PHC3: variants seen among roughly 807,000 people sequenced by gnomAD.
PHC3 encodes the protein polyhomeotic homolog 3.
Under a neutral mutation model 107.4 loss-of-function variants are expected in PHC3, and 13 were observed. The ratio of observed to expected loss-of-function variants is 0.12; its 90% CI spans 0.08 to 0.19. The LOEUF (loss-of-function observed/expected upper bound fraction) is 0.19, where lower values mean the gene tolerates loss of function less well. Ranked by LOEUF, PHC3 falls within the 10% of genes least tolerant of loss-of-function variation. PHC3 has a pLI of 1.00. For synonymous variants in PHC3, 456 were observed against 427.4 expected (o/e 1.07, Z -0.83); for missense variants, 992 against 1,210.9 (o/e 0.82, Z 2.68).
intron 14 of PHC3, 175 bp downstream of exon 14, chr3:170,102,304 T>G (rs1161090076): frequency 1.3e-5 from 13 of 985,282 alleles, no homozygotes; most frequent in Non-Finnish European, 1.3e-5. Context: ...TACCCAGTAG[T>G]GCTGAGGGAA....
rs1389204574 is a variant in PHC3, at chr3:170,150,791, T to C, written c.415-1547A>G. On this transcript the variant is annotated intron_variant, in intron 4 of 14. Coordinates refer to ENST00000495893, the MANE Select transcript of PHC3 (RefSeq NM_024947.4). ...TCTAGAAGGATGCGTAAGAAACTGG[T>C]AACTGGTTGTATCTATAAAGAGACA... 3 of 355,352 alleles carry C rather than the reference T, an allele frequency of 8.4e-6. No individual in the cohort carries two copies. The East Asian group carries it at 3.6e-4, about 43-fold the overall frequency. The allele number at this position is 355,352 out of a possible 1,614,324, so 22.0% of individuals were successfully genotyped here.
rs141402079 is a variant in PHC3, at chr3:170,161,703, T to A, written c.414+9670A>T. On this transcript the variant is annotated intron_variant, in intron 4 of 14. Transcript: ENST00000495893. ...AACAACAGAAATTTATTTTGCACAC[T>A]TTTAGAGGCTGGGAAGTCCAAAATT... Among the ~76,000 whole-genome samples the A allele has an allele frequency of 6.8e-4, 103 of 152,326 alleles. 1 individual carries two copies. Among genetic ancestry groups the A allele is most frequent in the African/African-American group, 2.4e-3 (100 of 41,588 alleles).
At chr3:170,119,594 C>T (rs1308681779) in intron 9 of PHC3, among the ~76,000 whole-genome samples, 1 of 152,064 alleles carries the variant, frequency 6.6e-6, no homozygotes, top group African/African-American at 2.4e-5. Flanking sequence ...AATTATTACG[C>T]CCTCTAGATT....
chr3:170,163,458 A>AAG (rs1367097902), intron 4 of PHC3, among the ~76,000 whole-genome samples: 8 of 94,836 alleles, frequency 8.4e-5, no homozygotes, highest in Non-Finnish European at 1.5e-4. Flanking sequence ...ATATTTAGTA[A>AAG]AGAGTGTGTG....
At chr3:170,128,373 G>T in intron 8 of PHC3, 2 of 1,320,600 alleles carry the variant, frequency 1.5e-6, no homozygotes, top group Non-Finnish European at 2.0e-6. Context: ...GATGACACTG[G>T]TTCAAATGCA....
chr3:170,145,908 C>A (rs1420619295), intron 5 of PHC3, among the ~76,000 whole-genome samples: 1 of 152,078 alleles, frequency 6.6e-6, no homozygotes, highest in Non-Finnish European at 1.5e-5. Context: ...TATTTTGGGA[C>A]ACAAATTAAA....
In PHC3 at chr3:170,158,480, T is replaced by C. The variant is rs186800900; in HGVS notation, c.415-9236A>G. On this transcript the variant is annotated intron_variant, in intron 4 of 14. Transcript: ENST00000495893. ...AGCTGGACATAGTGGCAGGCACCTG[T>C]AATCCCAGCTACTTGGGAGGCTGAG... Among the ~76,000 whole-genome samples, 100 of 152,130 alleles carry C rather than the reference T, an allele frequency of 6.6e-4. 1 individual carries two copies. The East Asian group carries it at 0.018, about 28-fold the overall frequency.
At chr3:170,167,465 AAAGTCAAAAC>A in intron 4 of PHC3, among the ~76,000 whole-genome samples, 1 of 152,208 alleles carries the variant, frequency 6.6e-6, no homozygotes, top group East Asian at 1.9e-4. Context: ...CATGTGTTTA[AAAGTCAAAAC>A]ATAGCCAGGC....
Position 170,087,598 on chromosome 3 carries a change from C to T in PHC3, c.*9632G>A, listed in dbSNP as rs567541735. ...CAATAGACCAGTCAAATGGAAGAGG[C>T]TTTTATTTGTAAAGAAATGAACTTA... On this transcript the variant is annotated 3_prime_UTR_variant, in exon 15 of 15. Coordinates refer to ENST00000495893, the MANE Select transcript of PHC3 (RefSeq NM_024947.4). 6.6e-6 allele frequency: 1 copy of T among 152,016 alleles called. No individual in the cohort carries two copies. Among genetic ancestry groups the T allele is most frequent in the African/African-American group, 2.4e-5 (1 of 41,476 alleles). 9.4% of individuals were successfully genotyped at this position (152,016 alleles called of 1,614,324 possible).
intron 2 of PHC3, among the ~76,000 whole-genome samples, chr3:170,177,419 T>C (rs1018624397): frequency 6.6e-6 from 1 of 152,080 alleles, no homozygotes. Flanking sequence ...CAGGCTGGAG[T>C]GCAGTGGCGC....
intron 4 of PHC3, among the ~76,000 whole-genome samples, chr3:170,150,448 C>A (rs1011472684): frequency 2.7e-5 from 4 of 147,616 alleles, no homozygotes; most frequent in Non-Finnish European, 5.9e-5. Context: ...GTAATTCCAG[C>A]ACTTTGGGAG....
intron 8 of PHC3, chr3:170,128,356 T>C (rs1335450549): frequency 3.9e-6 from 5 of 1,298,644 alleles, no homozygotes; most frequent in African/African-American, 1.5e-5. Flanking sequence ...AGAAAAAACT[T>C]TGTGCAGATG....
At chr3:170,122,887 CTT>C (rs1393489963) in intron 8 of PHC3, 143 bp from the exon 9 acceptor site, 2 of 926,368 alleles carry the variant, frequency 2.2e-6, no homozygotes, top group Non-Finnish European at 3.0e-6. Flanking sequence ...GAAAGGAAAA[CTT>C]AAAAATTGCT....
intron 1 of PHC3, among the ~76,000 whole-genome samples, chr3:170,180,896 T>C (rs1423357158): frequency 1.3e-5 from 2 of 152,202 alleles, no homozygotes; most frequent in African/African-American, 4.8e-5. Context: ...TCGCACTGCA[T>C]TTCGAGGCCT....
chr3:170,128,539 G>A (rs1721721602), intron 8 of PHC3, 145 bp downstream of exon 8: 2 of 1,176,470 alleles, frequency 1.7e-6, no homozygotes, highest in East Asian at 2.6e-5. Flanking sequence ...TGCCCATACA[G>A]CATGTTTGTC....
rs186094772 is a variant in PHC3 at position 170,090,533 on chromosome 3, T to G, written c.*6697A>C. ...AATGTCATCATTTGCTTGTTATGTA[T>G]GAATTTTCTATTTTAATCCTTAGGA... On this transcript the variant is annotated 3_prime_UTR_variant, in exon 15 of 15. Transcript: ENST00000495893. 3.9e-5 allele frequency: 6 copies of G among 152,340 alleles called. No homozygotes were observed. In the East Asian group the frequency reaches 1.2e-3, roughly 29 times the overall value. The allele number at this position is 152,340 out of a possible 1,614,324, so 9.4% of individuals were successfully genotyped here. A position where few individuals can be genotyped will look rare whatever the true frequency, so the allele number is the denominator to read the frequency against.
chr3:170,128,515 CA>C, intron 8 of PHC3, 168 bp downstream of exon 8: 16 of 1,074,486 alleles, frequency 1.5e-5, no homozygotes, highest in Non-Finnish European at 2.1e-5. Flanking sequence ...CAAACAATGG[CA>C]TTTTTTTTTT....
At chr3:170,169,040 A>ACTC (rs1388383944) in intron 4 of PHC3, among the ~76,000 whole-genome samples, 2 of 151,734 alleles carry the variant, frequency 1.3e-5, no homozygotes, top group East Asian at 3.9e-4. Context: ...TCCAATGAAC[A>ACTC]CTCCTCCTTT....
At chr3:170,103,643 G>T (rs1715906847) in intron 12 of PHC3, among the ~76,000 whole-genome samples, 1 of 152,152 alleles carries the variant, frequency 6.6e-6, no homozygotes, top group Admixed American at 6.5e-5. Context: ...CTGGAACCAG[G>T]ACTGGCAAAC....
Sources: allele counts gnomAD v4.1 joint callset (sites outside exome capture counted in the v4.1 genomes callset), GRCh38; gene constraint gnomAD v4.1.1; transcripts MANE v1.5; gene names NCBI Gene and HGNC (gene_info 2026-07-23, HGNC 2026-07-21).